TMPRSS6: variants seen among roughly 807,000 people sequenced by gnomAD.
TMPRSS6 encodes transmembrane serine protease 6, also known as transmembrane protease serine 6.
TMPRSS6 carries 67 observed loss-of-function variants against 101.5 expected under a neutral mutation model. The observed-to-expected ratio is 0.66, with a 90% CI of 0.54 to 0.81. TMPRSS6 has a LOEUF of 0.81. Among genes scored for constraint, TMPRSS6 ranks in the 30% least tolerant of loss-of-function variants. TMPRSS6 has a pLI of 0.00. For missense variants in TMPRSS6, 1,034 were observed against 1,088.7 expected, an observed-to-expected ratio of 0.95 and a Z score of 0.71; for synonymous variants, 453 against 464.9, an observed-to-expected ratio of 0.97 and a Z score of 0.33.
chr22:37,072,248 TG>T (rs1738052953), intron 13 of TMPRSS6, among the ~76,000 whole-genome samples: 1 of 118,452 alleles, frequency 8.4e-6, no homozygotes, highest in Non-Finnish European at 1.7e-5. Context: ...GATGGATGGA[TG>T]ATGGATGGAT....
chr22:37,098,660 G>T, intron 2 of TMPRSS6, 111 bp from the exon 3 acceptor site: 1 of 1,400,414 alleles, frequency 7.1e-7, no homozygotes, highest in South Asian at 1.2e-5. Flanking sequence ...TCAGTGTCTT[G>T]GGTCTCCATG....
intron 13 of TMPRSS6, among the ~76,000 whole-genome samples, chr22:37,071,934 T>C (rs1455977260): frequency 6.6e-6 from 1 of 151,266 alleles, no homozygotes; most frequent in Non-Finnish European, 1.5e-5. Flanking sequence ...GGATGGATGA[T>C]GGATGGGTGG....
At chr22:37,099,496 G>A (rs888826326) in intron 2 of TMPRSS6, among the ~76,000 whole-genome samples, 16 of 152,322 alleles carry the variant, frequency 1.1e-4, no homozygotes, top group African/African-American at 3.8e-4. Context: ...CACAGCCCTG[G>A]TTTACACCCC....
At chr22:37,107,163 C>T (rs1368576968) in intron 1 of TMPRSS6, among the ~76,000 whole-genome samples, 1 of 152,188 alleles carries the variant, frequency 6.6e-6, no homozygotes, top group Non-Finnish European at 1.5e-5. Flanking sequence ...ACTTGTGAGG[C>T]CTGGCACTGG....
intron 10 of TMPRSS6, chr22:37,082,833 C>G (rs1928374318): frequency 2.5e-6 from 1 of 393,630 alleles, no homozygotes; most frequent in African/African-American, 2.1e-5. Context: ...CAGCATAGCC[C>G]TAGATCATGC....
chr22:37,096,085 C>T lies in TMPRSS6; in HGVS notation c.410G>A (p.Gly137Glu). The T allele has an allele frequency of 6.2e-7, 1 of 1,614,130 alleles. No individual in the cohort carries two copies. Among genetic ancestry groups the T allele is most frequent in the Non-Finnish European group, 8.5e-7 (1 of 1,180,026 alleles). The part of the protein sequence containing the change: ...NSSSVYSFGE[G>E]PLTCFFWFIL... Reference sequence around the variant, plus strand: ...GAACCAGAAGAAGCAGGTGAGGGGTCCCTCCCTAAGGCAGGCAGAAGTGAG... The same window carrying T: ...GAACCAGAAGAAGCAGGTGAGGGGTTCCTCCCTAAGGCAGGCAGAAGTGAG... Residue 137 changes from glycine (G) to glutamate (E), a missense_variant, in exon 5 of 18, where the codon GGA (glycine) becomes GAA (glutamate). Physicochemically the swap from Gly to Glu is moderately conservative, Grantham distance 98 (BLOSUM62 -2). Transcript: ENST00000676104.
rs556164098 is a variant in TMPRSS6, at chr22:37,072,176, TGATG to T, written c.1556-1148_1556-1145del. On this transcript the variant is annotated intron_variant, in intron 13 of 17. Transcript: ENST00000676104. The stretch of plus-strand genomic sequence containing the variant: ...AATGGATGGATGATGGATGAACGGA[TGATG>T]GATGGATGGATGATGGATGAATGGA... 1.5e-3 allele frequency among the ~76,000 whole-genome samples: 211 copies of T among 139,018 alleles called. 1 individual carries two copies. Among genetic ancestry groups the T allele is most frequent in the African/African-American group, 5.7e-3 (203 of 35,566 alleles). 91.2% of individuals were successfully genotyped at this position (139,018 alleles called of 152,430 possible).
At chr22:37,097,242 G>A (rs973441673) in intron 3 of TMPRSS6, among the ~76,000 whole-genome samples, 1 of 152,226 alleles carries the variant, frequency 6.6e-6, no homozygotes, top group African/African-American at 2.4e-5. Flanking sequence ...AGGAGGAAAC[G>A]GGCAGCCTCA....
intron 10 of TMPRSS6, among the ~76,000 whole-genome samples, chr22:37,078,023 G>A (rs1927826383): frequency 6.6e-6 from 1 of 152,222 alleles, no homozygotes. Context: ...GTAAAACCCA[G>A]GAAACGCAGG....
chr22:37,095,417 G>T, intron 6 of TMPRSS6, 134 bp downstream of exon 6: 2 of 1,112,962 alleles, frequency 1.8e-6, no homozygotes, highest in Non-Finnish European at 2.6e-6. Context: ...GTCCACCATG[G>T]CATCCCCTGG....
chr22:37,070,130 G>A (rs1342695083), intron 15 of TMPRSS6, among the ~76,000 whole-genome samples: 2 of 152,178 alleles, frequency 1.3e-5, no homozygotes, highest in Non-Finnish European at 2.9e-5. Flanking sequence ...GAGTGTCATA[G>A]CTTATGACCA....
chr22:37,109,820 A>T (rs1232097177), upstream of TMPRSS6, among the ~76,000 whole-genome samples: 1 of 151,468 alleles, frequency 6.6e-6, no homozygotes, highest in East Asian at 1.9e-4. Context: ...GGTGCGGGAG[A>T]TCTGAGCTCT....
chr22:37,068,476 CG>C (rs1490133761), intron 16 of TMPRSS6: 2 of 649,302 alleles, frequency 3.1e-6, no homozygotes, highest in Admixed American at 2.5e-5. Flanking sequence ...GTGCGGTGGC[CG>C]CCAGGGACTC....
chr22:37,065,708 C>T lies in TMPRSS6; in HGVS notation c.*372G>A, dbSNP rs906423216. The T allele has an allele frequency of 8.9e-6, 2 of 223,468 alleles. No individual in the cohort carries two copies. Among genetic ancestry groups the T allele is most frequent in the Non-Finnish European group, 1.8e-5 (2 of 111,010 alleles). 13.8% of individuals were successfully genotyped at this position (223,468 alleles called of 1,614,324 possible). A position where few individuals can be genotyped will look rare whatever the true frequency, so the allele number is the denominator to read the frequency against. The stretch of plus-strand genomic sequence containing the variant: ...CTCTCTGGAGGCAAGGCTGCCCAAA[C>T]AGCCTCTGTACAGAGTGGGGCGCAC... On this transcript the variant is annotated 3_prime_UTR_variant, in exon 18 of 18. Transcript: ENST00000676104.
chr22:37,086,174 C>T (rs1489021726), intron 8 of TMPRSS6, 109 bp downstream of exon 8: 3 of 1,474,890 alleles, frequency 2.0e-6, no homozygotes, highest in African/African-American at 1.4e-5. Flanking sequence ...TCTTCCCTCT[C>T]CCCATCCCAT....
At position 37,075,015 on chromosome 22, in the gene TMPRSS6, A is replaced by T. The variant is rs565920151; in HGVS notation, c.1342+120T>A. ...TGCAAGCACATACACACACACACAC[A>T]CTCTCTCTCTCCTTTTGTTCAGCCT... is the stretch of plus-strand genomic sequence containing the variant. On this transcript the variant is annotated intron_variant, in intron 11 of 17. Transcript: ENST00000676104. 1.3e-3 allele frequency: 1,683 copies of T among 1,293,344 alleles called. 2 individuals carry two copies. The highest frequency in any genetic ancestry group is 1.7e-3 in the Non-Finnish European group (1,545 of 913,306). The allele number at this position is 1,293,344 out of a possible 1,614,324, so 80.1% of individuals were successfully genotyped here. A position where few individuals can be genotyped will look rare whatever the true frequency, so the allele number is the denominator to read the frequency against.
rs151074901 is a variant in TMPRSS6 at position 37,074,641 on chromosome 22, G to C, written c.1410C>G (p.Asp470Glu). The C allele has an allele frequency of 6.2e-7, 1 of 1,614,222 alleles. No homozygotes were observed. Among genetic ancestry groups the C allele is most frequent in the Non-Finnish European group, 8.5e-7 (1 of 1,180,034 alleles). ...LCVPACDGVK[D>E]CPNGLDERNC... The stretch of plus-strand genomic sequence containing the variant: ...TTCTCTCATCCAGGCCGTTGGGGCA[G>C]TCCTTGACCCCATCACAGGCAGGGA... The change falls in exon 12 of 18, where the codon GAC becomes GAG. Residue 470 changes from aspartate (D) to glutamate (E), a missense_variant. Coordinates refer to ENST00000676104, the MANE Select transcript of TMPRSS6 (RefSeq NM_001374504.1).
chr22:37,103,717 T>A lies in TMPRSS6; in HGVS notation c.-1-299A>T. On this transcript the variant is annotated intron_variant, in intron 1 of 17. Transcript: ENST00000676104. The surrounding 1 kb of genome is among the most constrained non-coding windows in gnomAD (Gnocchi z 4.4). The stretch of plus-strand genomic sequence containing the variant: ...GAGGACAGACGGAGGTCTCAGTACC[T>A]AAACACCCACCTCCCTAGAGGCTGC... The A allele has an allele frequency of 1.2e-6, 1 of 832,760 alleles. No individual in the cohort carries two copies. Among genetic ancestry groups the A allele is most frequent in the Non-Finnish European group, 2.0e-6 (1 of 506,716 alleles). 51.6% of individuals were successfully genotyped at this position (832,760 alleles called of 1,614,324 possible). A position where few individuals can be genotyped will look rare whatever the true frequency, so the allele number is the denominator to read the frequency against.
At chr22:37,077,253 C>T (rs971433670) in intron 10 of TMPRSS6, among the ~76,000 whole-genome samples, 1 of 152,166 alleles carries the variant, frequency 6.6e-6, no homozygotes, top group Non-Finnish European at 1.5e-5. Context: ...CAGAATCTTG[C>T]CTCAGGACCC....
Sources: gnomAD v4.1 joint callset for allele counts (sites outside exome capture counted in the v4.1 genomes callset) on GRCh38, gnomAD v4.1.1 for gene constraint, Gnocchi (gnomAD v3.1) non-coding constraint, MANE v1.5 for transcripts, NCBI Gene and HGNC (gene_info 2026-07-23, HGNC 2026-07-21) for gene names.